The following MTTP variants were observed in gnomAD, a reference collection of about 807,000 sequenced individuals.
MTTP encodes the protein microsomal triglyceride transfer protein large subunit.
MTTP carries 49 observed loss-of-function variants against 90.6 expected under a neutral mutation model. The ratio of observed to expected loss-of-function variants is 0.54; its 90% CI spans 0.43 to 0.69. The LOEUF (loss-of-function observed/expected upper bound fraction) is 0.69. Ranked by LOEUF, MTTP falls within the 30% of genes least tolerant of loss-of-function variation. The pLI is 0.00. For synonymous variants in MTTP, 347 were observed against 384.2 expected, an observed-to-expected ratio of 0.90 and a Z score of 1.13; for missense variants, 945 against 1,067.5, an observed-to-expected ratio of 0.89 and a Z score of 1.60.
chr4:99,600,804 G>T, intron 9 of MTTP, 71 bp downstream of exon 9: 1 of 1,477,392 alleles, frequency 6.8e-7, no homozygotes, highest in Non-Finnish European at 9.3e-7. Context: ...GTAATTAAAA[G>T]TTTCTTAGAT....
Position 99,612,952 on chromosome 4 carries a change from G to T in MTTP, c.2029G>T (p.Ala677Ser). The stretch of plus-strand genomic sequence containing the variant: ...CCAAGGACTGGAAGCCTTAATCGCA[G>T]CCACCCCTGACGAGGGGGAGGAGAA... ...EAQGLEALIA[A>S]TPDEGEENLD... Residue 677 changes from alanine to serine, a missense_variant, in exon 15 of 18, where the codon GCC becomes TCC. Coordinates refer to ENST00000265517, the MANE Select transcript of MTTP (RefSeq NM_001386140.1). 6.2e-7 allele frequency: 1 copy of T among 1,613,982 alleles called. No homozygotes were observed. The highest frequency in any genetic ancestry group is 8.5e-7 in the Non-Finnish European group (1 of 1,179,920).
chr4:99,581,352 G>A (rs1442480832), intron 1 of MTTP, among the ~76,000 whole-genome samples: 4 of 152,162 alleles, frequency 2.6e-5, no homozygotes, highest in African/African-American at 9.7e-5. Flanking sequence ...AGTTACATAT[G>A]TGCAACGCTG....
At chr4:99,572,859 G>A (rs763349174), upstream of MTTP, among the ~76,000 whole-genome samples, 2 of 152,052 alleles carry the variant, frequency 1.3e-5, no homozygotes, top group Non-Finnish European at 2.9e-5. Context: ...TTTCTAAAAT[G>A]TCCTTGTAAA....
At chr4:99,621,366 G>A (rs1313574722) in intron 17 of MTTP, 135 bp downstream of exon 17, 20 of 1,173,070 alleles carry the variant, frequency 1.7e-5, no homozygotes, top group Non-Finnish European at 2.4e-5. Flanking sequence ...TTCTTTAAAT[G>A]AGTAGAAGAA....
upstream of MTTP, among the ~76,000 whole-genome samples, chr4:99,574,192 A>G (rs139148890): frequency 6.6e-6 from 1 of 152,326 alleles, no homozygotes; most frequent in Non-Finnish European, 1.5e-5. Flanking sequence ...GAGGTCTACT[A>G]TGAAATAATT....
In MTTP at chr4:99,613,965, G is replaced by T. The variant is rs929348577; in HGVS notation, c.2217+825G>T. Among the ~76,000 whole-genome samples the T allele has an allele frequency of 5.5e-4, 84 of 152,024 alleles. 5 individuals are homozygous for T. Among genetic ancestry groups the T allele is most frequent in the Non-Finnish European group, 2.9e-5 (2 of 68,004 alleles). On this transcript the variant is annotated intron_variant, in intron 15 of 17. Coordinates refer to ENST00000265517, the MANE Select transcript of MTTP (RefSeq NM_001386140.1). ...TTTGATTTATTTTCTGCTTCACTAA[G>T]CATAGCAACATAAAAAATGATATAT...
chr4:99,601,745 T>C, intron 10 of MTTP, 31 bp downstream of exon 10: 2 of 1,475,638 alleles, frequency 1.4e-6, no homozygotes, highest in Non-Finnish European at 1.9e-6. Context: ...ATGTATTACA[T>C]CATTCTACAC....
At chr4:99,572,086 C>T (rs1247246722), upstream of MTTP, among the ~76,000 whole-genome samples, 1 of 151,792 alleles carries the variant, frequency 6.6e-6, no homozygotes, top group Non-Finnish European at 1.5e-5. Flanking sequence ...TCCTGACAAC[C>T]TCTGACACTC....
rs192535891 is a variant in MTTP at position 99,597,783 on chromosome 4, C to T, written c.1067+559C>T. ...TTTGGTGAAACTATGATCCATTTTA[C>T]ATGTGTAATAAACAGAGTTGACTTA... On this transcript the variant is annotated intron_variant, in intron 8 of 17. Transcript: ENST00000265517. Among the ~76,000 whole-genome samples the T allele has an allele frequency of 4.7e-3, 715 of 152,282 alleles. 4 individuals are homozygous for T. The highest frequency in any genetic ancestry group is 7.8e-3 in the Non-Finnish European group (531 of 68,018).
intron 15 of MTTP, among the ~76,000 whole-genome samples, chr4:99,616,441 T>C (rs548681292): frequency 6.6e-6 from 1 of 152,196 alleles, no homozygotes; most frequent in African/African-American, 2.4e-5. Flanking sequence ...TAGAGACAAT[T>C]GGAGTGTTTA....
In MTTP at chr4:99,601,730, A is replaced by G. The variant is rs556165352; in HGVS notation, c.1344+16A>G. The G allele has an allele frequency of 1.4e-5, 21 of 1,553,392 alleles. No individual in the cohort carries two copies. Among genetic ancestry groups the G allele is most frequent in the East Asian group, 2.2e-5 (1 of 44,446 alleles). On this transcript the variant is annotated intron_variant, in intron 10 of 17. Transcript: ENST00000265517. ...CAAACTCAAAGTAAGTGCAAATCCA[A>G]TCTCATGTATTACATCATTCTACAC...
Position 99,600,620 on chromosome 4 carries a change from A to C in MTTP, c.1123A>C (p.Ile375Leu), listed in dbSNP as rs200603639. ...TCAGACCTCAGACTCATTAGAAGCC[A>C]TTTTGGACTTTTTGGATTTCAAAAG... The part of the protein sequence containing the change: ...SAQTSDSLEA[I>L]LDFLDFKSDS... The change falls in exon 9 of 18, where the codon ATT becomes CTT. Residue 375 changes from isoleucine to leucine, a missense_variant. By Grantham distance (5) the Ile-to-Leu change is conservative. Coordinates refer to ENST00000265517, the MANE Select transcript of MTTP (RefSeq NM_001386140.1). The C allele has an allele frequency of 1.2e-6, 2 of 1,613,812 alleles. No homozygotes were observed. Among genetic ancestry groups the C allele is most frequent in the Admixed American group, 1.7e-5 (1 of 60,002 alleles).
intron 12 of MTTP, among the ~76,000 whole-genome samples, chr4:99,609,761 G>A (rs1410805383): frequency 6.6e-6 from 1 of 152,164 alleles, no homozygotes; most frequent in East Asian, 1.9e-4. Flanking sequence ...TAAGAAACGG[G>A]TGTGAGTAGA....
At chr4:99,618,901 G>T in intron 15 of MTTP, 73 bp from the exon 16 acceptor site, 1 of 1,572,218 alleles carries the variant, frequency 6.4e-7, no homozygotes, top group Non-Finnish European at 8.7e-7. Flanking sequence ...GAGGTCAAAT[G>T]TGCCATTGGA....
At chr4:99,571,600 C>G (rs1426408359), upstream of MTTP, among the ~76,000 whole-genome samples, 1 of 151,702 alleles carries the variant, frequency 6.6e-6, no homozygotes, top group African/African-American at 2.4e-5. Context: ...AATGAATGTT[C>G]TTTTTGGAGT....
chr4:99,585,889 G>T (rs756050530), intron 3 of MTTP, among the ~76,000 whole-genome samples: 1 of 152,104 alleles, frequency 6.6e-6, no homozygotes, highest in African/African-American at 2.4e-5. Context: ...GGACTAAGAA[G>T]CCAACAGGAA....
intron 3 of MTTP, among the ~76,000 whole-genome samples, chr4:99,586,888 C>T (rs1725271402): frequency 6.6e-6 from 1 of 152,132 alleles, no homozygotes; most frequent in Non-Finnish European, 1.5e-5. Context: ...TACCCAGTCT[C>T]CCTCTAGCTG....
chr4:99,582,084 C>A lies in MTTP; in HGVS notation c.241C>A (p.Gln81Lys). 1 of 1,614,058 alleles carries A rather than the reference C, an allele frequency of 6.2e-7. No homozygotes were observed. Among genetic ancestry groups the A allele is most frequent in the Non-Finnish European group, 8.5e-7 (1 of 1,179,956 alleles). Residue 81 changes from glutamine to lysine, a missense_variant, in exon 2 of 18, where the codon CAA becomes AAA. Transcript: ENST00000265517. The stretch of plus-strand genomic sequence containing the variant: ...TGATGGTGATGATGACCAGTTGATC[C>A]AAATAACGGTGGGCATTTTCTACCA... ...NPDGDDDQLI[Q>K]ITMKDVNVEN...
chr4:99,618,490 C>G (rs1008494961), intron 15 of MTTP, among the ~76,000 whole-genome samples: 1 of 152,136 alleles, frequency 6.6e-6, no homozygotes, highest in African/African-American at 2.4e-5. Context: ...GATGGAGATG[C>G]CTTCATTTTC....
Sources: allele counts gnomAD v4.1 joint callset (sites outside exome capture counted in the v4.1 genomes callset), GRCh38; gene constraint gnomAD v4.1.1; transcripts MANE v1.5; gene names NCBI Gene and HGNC (gene_info 2026-07-23, HGNC 2026-07-21).